Variants in TMEM217 observed in about 807,000 individuals in gnomAD.
TMEM217 encodes the protein transmembrane protein 217.
For missense variants in TMEM217, 204 were observed against 248.8 expected (o/e 0.82, Z 1.21); for synonymous variants, 76 against 88.3 (o/e 0.86, Z 0.78).
intron 1 of TMEM217, among the ~76,000 whole-genome samples, chr6:37,225,935 A>G (rs1344595627): frequency 6.6e-6 from 1 of 152,126 alleles, no homozygotes; most frequent in African/African-American, 2.4e-5. Context: ...GACCTACCCT[A>G]TCAGCCGTGG....
chr6:37,227,871 A>G (rs1367695760), intron 1 of TMEM217, among the ~76,000 whole-genome samples: 1 of 152,110 alleles, frequency 6.6e-6, no homozygotes, highest in East Asian at 1.9e-4. Flanking sequence ...TACTTTGTAT[A>G]TATCTTGAGA....
chr6:37,241,802 C>T (rs1764782507), intron 1 of TMEM217, among the ~76,000 whole-genome samples: 1 of 152,114 alleles, frequency 6.6e-6, no homozygotes, highest in African/African-American at 2.4e-5. Context: ...TTTAAAACTC[C>T]ATTAACTTTT....
chr6:37,215,573 A>G (rs1289016954), downstream of TMEM217, among the ~76,000 whole-genome samples: 1 of 19,804 alleles, frequency 5.0e-5, no homozygotes, highest in African/African-American at 2.2e-4. Flanking sequence ...TCTGTCTCAA[A>G]AAAAAAAAAA....
chr6:37,234,886 T>C (rs1259971808), intron 1 of TMEM217, among the ~76,000 whole-genome samples: 1 of 152,180 alleles, frequency 6.6e-6, no homozygotes, highest in Non-Finnish European at 1.5e-5. Context: ...GCTGGTTTTA[T>C]TATAAGGTTT....
intron 1 of TMEM217, among the ~76,000 whole-genome samples, chr6:37,229,434 C>CT (rs1764066971): frequency 1.3e-5 from 2 of 150,878 alleles, no homozygotes; most frequent in African/African-American, 4.9e-5. Flanking sequence ...GCTCCGCCTC[C>CT]CGGGTTCACT....
chr6:37,219,165 A>G (rs1763385974), intron 1 of TMEM217, 124 bp from the exon 2 acceptor site: 2 of 840,928 alleles, frequency 2.4e-6, no homozygotes, highest in African/African-American at 1.7e-5. Context: ...AAAACTGGGA[A>G]ACTATAGCCT....
chr6:37,248,374 C>T (rs1430436511), intron 1 of TMEM217, among the ~76,000 whole-genome samples: 1 of 152,198 alleles, frequency 6.6e-6, no homozygotes, highest in Non-Finnish European at 1.5e-5. Context: ...TGGTGCAGTG[C>T]TGCATTGAAT....
exon 2 of TMEM217, chr6:37,218,534 T>C (rs1456266814): frequency 6.2e-7 from 1 of 1,614,052 alleles, no homozygotes; most frequent in Non-Finnish European, 8.5e-7. Flanking sequence ...AATTCGTCTC[T>C]TGTAGGAAAT....
At chr6:37,245,141 A>G (rs2113901442) in intron 1 of TMEM217, among the ~76,000 whole-genome samples, 1 of 152,368 alleles carries the variant, frequency 6.6e-6, no homozygotes. Context: ...AAGTCCAACA[A>G]GATGAGATCC....
At chr6:37,218,880 C>T in exon 2 of TMEM217, 1 of 1,614,102 alleles carries the variant, frequency 6.2e-7, no homozygotes, top group South Asian at 1.1e-5. Flanking sequence ...TTACTTGCAC[C>T]CCTGTACTTT....
At chr6:37,212,967 C>A, downstream of TMEM217, 1 of 1,547,752 alleles carries the variant, frequency 6.5e-7, no homozygotes, top group Non-Finnish European at 8.7e-7. Flanking sequence ...TCCTGACATT[C>A]ATTTTATACT....
chr6:37,224,202 G>C (rs1308392296), intron 1 of TMEM217, among the ~76,000 whole-genome samples: 1 of 150,762 alleles, frequency 6.6e-6, no homozygotes, highest in African/African-American at 2.4e-5. Flanking sequence ...GCCTCCCAAA[G>C]TGCTGGGATT....
At chr6:37,239,803 C>T (rs143284814) in intron 1 of TMEM217, among the ~76,000 whole-genome samples, 2,215 of 151,518 alleles carry the variant, frequency 0.015, 41 homozygotes, top group Middle Eastern at 0.044. Context: ...TCATCTATAT[C>T]GGTTAAGATC....
intron 1 of TMEM217, among the ~76,000 whole-genome samples, chr6:37,225,238 T>C (rs911488927): frequency 6.6e-6 from 1 of 151,774 alleles, no homozygotes; most frequent in Non-Finnish European, 1.5e-5. Context: ...AAGAGGATAA[T>C]AGATACAATA....
chr6:37,247,314 C>A (rs1230259719), intron 1 of TMEM217, among the ~76,000 whole-genome samples: 1 of 150,884 alleles, frequency 6.6e-6, no homozygotes, highest in Non-Finnish European at 1.5e-5. Flanking sequence ...TTGGAGGTGA[C>A]AGAAACACGA....
At chr6:37,241,444 C>T (rs1263479015) in intron 1 of TMEM217, among the ~76,000 whole-genome samples, 2 of 152,076 alleles carry the variant, frequency 1.3e-5, no homozygotes, top group African/African-American at 4.8e-5. Flanking sequence ...GGGACTGGAC[C>T]CTGAGCACTA....
At chr6:37,258,021 C>T (rs1295047374) in exon 1 of TMEM217, 8 of 1,596,682 alleles carry the variant, frequency 5.0e-6, no homozygotes, top group East Asian at 2.3e-5. Context: ...CAAACCCTTC[C>T]AGATCCTAAT....
At chr6:37,215,300 C>T (rs748591591), downstream of TMEM217, 4 of 1,607,862 alleles carry the variant, frequency 2.5e-6, no homozygotes, top group South Asian at 4.5e-5. Context: ...AATAAAAAAA[C>T]AAATGAATAA....
At chr6:37,218,668 A>C in exon 2 of TMEM217, 1 of 1,614,136 alleles carries the variant, frequency 6.2e-7, no homozygotes, top group Non-Finnish European at 8.5e-7. Flanking sequence ...TGACCTCTTT[A>C]ATGTCAAAGT....
Sources: allele counts gnomAD v4.1 joint callset (sites outside exome capture counted in the v4.1 genomes callset), GRCh38; gene constraint gnomAD v4.1.1; transcripts MANE v1.5; gene names NCBI Gene and HGNC (gene_info 2026-07-23, HGNC 2026-07-21).